CPD: variants seen among roughly 807,000 people sequenced by gnomAD.
The protein encoded by CPD is metallocarboxypeptidase D.
In CPD, 69 loss-of-function variants were observed where a neutral mutation model predicts 138.3. The observed-to-expected ratio is 0.50, with a 90% CI of 0.41 to 0.61. The LOEUF is 0.61. CPD is among the 20% of genes least tolerant of loss of function. The probability of loss-of-function intolerance (pLI) is 0.00; values close to 1 mark genes in which losing one functional copy is unlikely to be tolerated. For synonymous variants in CPD, 651 were observed against 642.1 expected, an observed-to-expected ratio of 1.01 and a Z score of -0.21; for missense variants, 1,432 against 1,733.3, an observed-to-expected ratio of 0.83 and a Z score of 3.09.
chr17:30,402,092 A>G (rs1207944671), intron 2 of CPD, among the ~76,000 whole-genome samples: 3 of 150,476 alleles, frequency 2.0e-5, no homozygotes, highest in Non-Finnish European at 3.0e-5. Context: ...TCATAAGGCA[A>G]TTTCTACTTA....
intron 2 of CPD, among the ~76,000 whole-genome samples, chr17:30,420,357 A>AT (rs1912233513): frequency 1.3e-5 from 2 of 152,232 alleles, no homozygotes; most frequent in Non-Finnish European, 2.9e-5. Flanking sequence ...TTCGGCATGA[A>AT]TATGCTTCAC....
chr17:30,378,968 G>A lies in CPD; in HGVS notation c.-13G>A, dbSNP rs754799846. ...CGCGGGAGCGGAGCCGGGGTTAGCG[G>A]CGCTGCTGGAAGATGGCGAGCGGCC... On this transcript the variant is annotated 5_prime_UTR_variant, in exon 1 of 21. Coordinates refer to ENST00000225719, the MANE Select transcript of CPD (RefSeq NM_001304.5). 9 of 1,501,290 alleles carry A rather than the reference G, an allele frequency of 6.0e-6. No individual in the cohort carries two copies. Among genetic ancestry groups the A allele is most frequent in the East Asian group, 2.7e-5 (1 of 36,962 alleles). 93.0% of individuals were successfully genotyped at this position (1,501,290 alleles called of 1,614,324 possible). A position where few individuals can be genotyped will look rare whatever the true frequency, so the allele number is the denominator to read the frequency against.
At chr17:30,387,591 CAGTG>C (rs1482502081) in intron 2 of CPD, among the ~76,000 whole-genome samples, 1 of 152,158 alleles carries the variant, frequency 6.6e-6, no homozygotes, top group East Asian at 1.9e-4. Flanking sequence ...GAAATGTCAT[CAGTG>C]TAAATTTTTT....
chr17:30,401,100 C>T (rs1206233727), intron 2 of CPD, among the ~76,000 whole-genome samples: 6 of 152,048 alleles, frequency 3.9e-5, no homozygotes, highest in South Asian at 2.1e-4. Context: ...GCCTTCTGGC[C>T]TCCATGGCTT....
At chr17:30,464,350 A>G (rs1477340675) in intron 20 of CPD, among the ~76,000 whole-genome samples, 1 of 152,196 alleles carries the variant, frequency 6.6e-6, no homozygotes, top group Non-Finnish European at 1.5e-5. Flanking sequence ...TCTCTGGGTA[A>G]TGGAAATGTA....
At chr17:30,383,499 C>T (rs1040071679) in intron 1 of CPD, among the ~76,000 whole-genome samples, 3 of 152,190 alleles carry the variant, frequency 2.0e-5, no homozygotes, top group Non-Finnish European at 4.4e-5. Context: ...TGCCACTACA[C>T]CAAATGGCAT....
At position 30,379,959 on chromosome 17, in the gene CPD, A is replaced by C. The variant is rs947204983; in HGVS notation, c.746+233A>C. Among the ~76,000 whole-genome samples, 1 of 152,142 alleles carries C rather than the reference A, an allele frequency of 6.6e-6. No individual in the cohort carries two copies. Among genetic ancestry groups the C allele is most frequent in the African/African-American group, 2.4e-5 (1 of 41,442 alleles). On this transcript the variant is annotated intron_variant, in intron 1 of 20. Transcript: ENST00000225719. This position sits in a 1 kb window ranked among gnomAD's most constrained non-coding sequence, Gnocchi z 7.0. ...TGTTCAAGGGATGGCTGGAGGGGAC[A>C]CTCCTTTCTGACATTTCTGGTCCCT...
At chr17:30,427,725 G>C (rs1245646195) in intron 7 of CPD, among the ~76,000 whole-genome samples, 167 bp downstream of exon 7, 1 of 152,114 alleles carries the variant, frequency 6.6e-6, no homozygotes, top group Non-Finnish European at 1.5e-5. Context: ...TTCAGCCAGT[G>C]TCCTGGCTGT....
In CPD at chr17:30,420,890, A is replaced by G. The variant is rs1912248121; in HGVS notation, c.1044A>G (p.Thr348=). The change falls in exon 3 of 21, where the codon ACA becomes ACG. Residue 348 remains threonine, a synonymous_variant. Transcript: ENST00000225719. The part of the protein sequence containing the change: ...NYVWANCFEI[T]LELSCCKYPP... ...TGTGGGCCAACTGTTTTGAGATCAC[A>G]TTAGAACTGTCTTGTTGCAAGTACC... 2 of 1,613,672 alleles carry G rather than the reference A, an allele frequency of 1.2e-6. No homozygotes were observed. Among genetic ancestry groups the G allele is most frequent in the Admixed American group, 1.7e-5 (1 of 59,988 alleles).
At chr17:30,456,405 G>C in intron 16 of CPD, 54 bp downstream of exon 16, 4 of 1,606,810 alleles carry the variant, frequency 2.5e-6, no homozygotes, top group Non-Finnish European at 3.4e-6. Context: ...GCTTTTGTGG[G>C]GAAAGGAGTT....
At position 30,465,027 on chromosome 17, in the gene CPD, T is replaced by C; in HGVS notation, c.*213T>C. 1 of 524,732 alleles carries C rather than the reference T, an allele frequency of 1.9e-6. No individual in the cohort carries two copies. The highest frequency in any genetic ancestry group is 3.2e-5 in the East Asian group (1 of 30,796). The allele number at this position is 524,732 out of a possible 1,614,324, so 32.5% of individuals were successfully genotyped here. A position where few individuals can be genotyped will look rare whatever the true frequency, so the allele number is the denominator to read the frequency against. On this transcript the variant is annotated 3_prime_UTR_variant, in exon 21 of 21. Transcript: ENST00000225719. ...AACCTTTAAAAAAAAATCTGATTTA[T>C]GCAGCAGAGATGGGACAGCCACTTT...
chr17:30,379,449 G>A lies in CPD; in HGVS notation c.469G>A (p.Ala157Thr), dbSNP rs755375779. The change falls in exon 1 of 21, where the codon GCG becomes ACG. Residue 157 changes from alanine to threonine, a missense_variant. Ala to Thr is a moderately conservative substitution (Grantham distance 58). Around this residue, in one of 6 missense-constraint regions of CPD, gnomAD observed 484 missense variants for 477.2 expected, o/e 1.01. Transcript: ENST00000225719. This position sits in a 1 kb window ranked among gnomAD's most constrained non-coding sequence, Gnocchi z 7.0. ...GTTGATCTACTTGGCCCGCGAGCTG[G>A]CGGCCGGCTACCGCCGCGGGGACCC... ...QVLIYLAREL[A>T]AGYRRGDPRL... The A allele has an allele frequency of 4.5e-6, 7 of 1,571,270 alleles. No individual in the cohort carries two copies. Among genetic ancestry groups the A allele is most frequent in the Non-Finnish European group, 6.0e-6 (7 of 1,166,350 alleles).
chr17:30,380,310 A>C, intron 1 of CPD: 1 of 246,262 alleles, frequency 4.1e-6, no homozygotes, highest in Non-Finnish European at 7.1e-6. Context: ...ACTGGAGCCC[A>C]AAAATGGCAG....
intron 2 of CPD, among the ~76,000 whole-genome samples, chr17:30,403,260 A>T (rs1911723305): frequency 6.6e-6 from 1 of 152,080 alleles, no homozygotes; most frequent in South Asian, 2.1e-4. Flanking sequence ...TGCTATTCAG[A>T]TCTGTACTGT....
rs562746499 is a variant in CPD at position 30,461,284 on chromosome 17, G to A, written c.3603G>A (p.Lys1201=). The A allele has an allele frequency of 3.5e-5, 56 of 1,609,278 alleles. No individual in the cohort carries two copies. In the South Asian group the frequency reaches 4.7e-4, roughly 13 times the overall value. ...TCCCTTCCTTGTGGGCAGACAATAA[G>A]AGATCTCTTCTTAGTATGTTAGTGG... ...ARLPSLWADN[K]RSLLSMLVEV... Residue 1201 remains lysine, a synonymous_variant, in exon 18 of 21, where the codon AAG becomes AAA. Coordinates refer to ENST00000225719, the MANE Select transcript of CPD (RefSeq NM_001304.5).
At position 30,422,974 on chromosome 17, in the gene CPD, A is replaced by AG. The variant is rs1158641144; in HGVS notation, c.1609dup (p.Glu537GlyfsTer9). ...CCTTGGGAAAATCAGTAGAGTCAAGAGAACTTTATGTGATGGAGATATCTG... is the reference window on the plus strand; with the variant it reads ...CCTTGGGAAAATCAGTAGAGTCAAGAGGAACTTTATGTGATGGAGATATCTG... On this transcript the variant is annotated frameshift_variant, in exon 5 of 21. Coordinates refer to ENST00000225719, the MANE Select transcript of CPD (RefSeq NM_001304.5). LOFTEE classifies it high-confidence loss of function. The AG allele has an allele frequency of 3.1e-6, 5 of 1,613,874 alleles. No homozygotes were observed. The highest frequency in any genetic ancestry group is 4.2e-6 in the Non-Finnish European group (5 of 1,179,892).
rs199741108 is a variant in CPD at position 30,417,823 on chromosome 17, AT to A, written c.995-3009del. The stretch of plus-strand genomic sequence containing the variant: ...GTTCAAAACTAACAAATGAAATGCC[AT>A]TTTTTTTTATGCTTTGGAAAGCCAC... On this transcript the variant is annotated intron_variant, in intron 2 of 20. Coordinates refer to ENST00000225719, the MANE Select transcript of CPD (RefSeq NM_001304.5). Among the ~76,000 whole-genome samples the A allele has an allele frequency of 7.7e-3, 1,164 of 151,436 alleles. 6 individuals carry two copies. The highest frequency in any genetic ancestry group is 0.012 in the Non-Finnish European group (796 of 67,808).
In CPD at chr17:30,464,679, G is replaced by A; in HGVS notation, c.4008G>A (p.Arg1336=). The A allele has an allele frequency of 6.2e-7, 1 of 1,613,930 alleles. No individual in the cohort carries two copies. The highest frequency in any genetic ancestry group is 8.5e-7 in the Non-Finnish European group (1 of 1,179,908). Residue 1336 remains arginine, a synonymous_variant, in exon 21 of 21, where the codon CGG becomes CGA. Coordinates refer to ENST00000225719, the MANE Select transcript of CPD (RefSeq NM_001304.5). Reference sequence around the variant, plus strand: ...ATAGACACAAGGATGGCTTTCATCGGCTCAGGCAGCATCATGATGAGTATG... The same window carrying A: ...ATAGACACAAGGATGGCTTTCATCGACTCAGGCAGCATCATGATGAGTATG... The part of the protein sequence containing the change: ...KSNRHKDGFH[R]LRQHHDEYED...
intron 17 of CPD, 121 bp from the exon 18 acceptor site, chr17:30,461,059 G>C: frequency 1.5e-6 from 1 of 671,394 alleles, no homozygotes; most frequent in Non-Finnish European, 2.3e-6. Context: ...ATGCTTTACA[G>C]CTTCTTTGTT....
Sources: gnomAD v4.1 joint callset for allele counts (sites outside exome capture counted in the v4.1 genomes callset) on GRCh38, gnomAD v4.1.1 for gene constraint, gnomAD v4.1.1 regional missense constraint, Gnocchi (gnomAD v3.1) non-coding constraint, MANE v1.5 for transcripts, NCBI Gene and HGNC (gene_info 2026-07-23, HGNC 2026-07-21) for gene names.